ANKRD13C: variants seen among roughly 807,000 people sequenced by gnomAD.
ANKRD13C encodes ankyrin repeat domain-containing protein 13C.
ANKRD13C carries 16 observed loss-of-function variants against 65.5 expected under a neutral mutation model. That is an observed-to-expected ratio of 0.24 (90% CI 0.17 to 0.37). The LOEUF is 0.37. Ranked by LOEUF, ANKRD13C falls within the 10% of genes least tolerant of loss-of-function variation. The pLI is 1.00. For synonymous variants in ANKRD13C, 235 were observed against 238.7 expected (o/e 0.98, Z 0.14); for missense variants, 503 against 655.9 (o/e 0.77, Z 2.55).
intron 7 of ANKRD13C, among the ~76,000 whole-genome samples, 185 bp from the exon 8 acceptor site, chr1:70,296,446 C>G (rs61498338): frequency 0.015 from 2,325 of 152,164 alleles, 61 homozygotes; most frequent in African/African-American, 0.053. Flanking sequence ...ATATTAATAT[C>G]TTCTCTAAGT....
chr1:70,348,660 A>G (rs1682629394), intron 1 of ANKRD13C, among the ~76,000 whole-genome samples: 1 of 152,214 alleles, frequency 6.6e-6, no homozygotes, highest in Non-Finnish European at 1.5e-5. Context: ...TTACACATTA[A>G]TCATTTCACT....
chr1:70,342,485 C>A (rs1457189412), intron 1 of ANKRD13C, among the ~76,000 whole-genome samples: 2 of 152,108 alleles, frequency 1.3e-5, no homozygotes, highest in Non-Finnish European at 2.9e-5. Context: ...TTGCAGTGAG[C>A]TGAGATCGCC....
intron 1 of ANKRD13C, among the ~76,000 whole-genome samples, chr1:70,348,415 G>A (rs950232191): frequency 5.9e-5 from 9 of 151,988 alleles, no homozygotes; most frequent in Non-Finnish European, 8.8e-5. Context: ...ACAGGTGCGC[G>A]CGACCATGCC....
In ANKRD13C at chr1:70,354,597, G is replaced by T; in HGVS notation, c.-189C>A. 1 of 1,348,334 alleles carries T rather than the reference G, an allele frequency of 7.4e-7. No homozygotes were observed. Among genetic ancestry groups the T allele is most frequent in the East Asian group, 2.5e-5 (1 of 39,470 alleles). The allele number at this position is 1,348,334 out of a possible 1,614,324, so 83.5% of individuals were successfully genotyped here. A position where few individuals can be genotyped will look rare whatever the true frequency, so the allele number is the denominator to read the frequency against. On this transcript the variant is annotated 5_prime_UTR_variant, in exon 1 of 13. Transcript: ENST00000370944. ...AGCCGGCTCTCGCCTAGGCACGAAG[G>T]GACGCGCGCTCGCTGGGGGAAGCTA...
chr1:70,351,451 G>A (rs185063282), intron 1 of ANKRD13C, among the ~76,000 whole-genome samples: 2 of 152,198 alleles, frequency 1.3e-5, no homozygotes. Context: ...CCAGGCTGGA[G>A]TGCAACGGTG....
chr1:70,349,235 T>C (rs1256285592), intron 1 of ANKRD13C, among the ~76,000 whole-genome samples: 1 of 152,200 alleles, frequency 6.6e-6, no homozygotes, highest in Non-Finnish European at 1.5e-5. Flanking sequence ...ACACTCTGAC[T>C]ATGGAAAAAG....
chr1:70,331,267 G>A (rs184382630), intron 2 of ANKRD13C, among the ~76,000 whole-genome samples: 1 of 152,092 alleles, frequency 6.6e-6, no homozygotes, highest in East Asian at 1.9e-4. Context: ...GCAAGGTATA[G>A]AACACTAAGT....
At position 70,300,921 on chromosome 1, in the gene ANKRD13C, G is replaced by A; in HGVS notation, c.777-13C>T. The A allele has an allele frequency of 5.0e-6, 8 of 1,597,522 alleles. No individual in the cohort carries two copies. The highest frequency in any genetic ancestry group is 2.3e-5 in the East Asian group (1 of 44,302). ...AGTTGTGTCAAGCCTGTGAAACATG[G>A]GTAGATGATAAACTCTGACAAATAT... On this transcript the variant is annotated splice_polypyrimidine_tract_variant and intron_variant, in intron 6 of 12. Coordinates refer to ENST00000370944, the MANE Select transcript of ANKRD13C (RefSeq NM_030816.5).
intron 6 of ANKRD13C, among the ~76,000 whole-genome samples, chr1:70,303,497 G>A (rs185223676): frequency 1.3e-5 from 2 of 152,182 alleles, no homozygotes; most frequent in African/African-American, 2.4e-5. Context: ...GACAAAAAGT[G>A]TACAAATATA....
chr1:70,343,823 C>A (rs1682414439), intron 1 of ANKRD13C, among the ~76,000 whole-genome samples: 1 of 152,204 alleles, frequency 6.6e-6, no homozygotes, highest in Non-Finnish European at 1.5e-5. Flanking sequence ...CAGGCATGAG[C>A]CACCGCACCA....
At position 70,306,268 on chromosome 1, in the gene ANKRD13C, C is replaced by T; in HGVS notation, c.732G>A (p.Leu244=). ...QSWVPLLSRI[L]PSDACKIYKQ... is the part of the protein sequence containing the mutation. The stretch of plus-strand genomic sequence containing the variant: ...TGTATATTTTACATGCATCGGAAGG[C>T]AGAATTCGGGAAAGTAAAGGCACTG... The change falls in exon 6 of 13, where the codon CTG becomes CTA. Residue 244 remains leucine, a synonymous_variant. Transcript: ENST00000370944. The T allele has an allele frequency of 6.3e-7, 1 of 1,576,884 alleles. No homozygotes were observed. The highest frequency in any genetic ancestry group is 8.6e-7 in the Non-Finnish European group (1 of 1,159,332).
chr1:70,324,795 A>G (rs1681461327), intron 3 of ANKRD13C, 58 bp downstream of exon 3: 1 of 1,234,046 alleles, frequency 8.1e-7, no homozygotes, highest in Non-Finnish European at 1.1e-6. Flanking sequence ...GAATATTTCA[A>G]ATGCATCACT....
intron 1 of ANKRD13C, among the ~76,000 whole-genome samples, chr1:70,344,052 C>A (rs1682423270): frequency 6.6e-6 from 1 of 151,858 alleles, no homozygotes; most frequent in South Asian, 2.1e-4. Flanking sequence ...AATTCCAGCA[C>A]TTTCAGAGGC....
At chr1:70,280,753 C>T (rs546221024) in intron 9 of ANKRD13C, among the ~76,000 whole-genome samples, 31 of 152,152 alleles carry the variant, frequency 2.0e-4, no homozygotes, top group Non-Finnish European at 7.3e-5. Flanking sequence ...TAGTGCCTCA[C>T]GCATAGCAAG....
intron 12 of ANKRD13C, among the ~76,000 whole-genome samples, chr1:70,264,840 C>T (rs926521373): frequency 3.9e-5 from 6 of 152,092 alleles, no homozygotes; most frequent in African/African-American, 7.2e-5. Context: ...GTTGGGGGTA[C>T]GAGCTGTTGA....
In ANKRD13C at chr1:70,345,289, C is replaced by T. The variant is rs372346411; in HGVS notation, c.430+8690G>A. Among the ~76,000 whole-genome samples, 807 of 151,956 alleles carry T rather than the reference C, an allele frequency of 5.3e-3. 11 individuals carry two copies. The highest frequency in any genetic ancestry group is 0.019 in the African/African-American group (783 of 41,464). ...TACTAAAAATACAAAATTAGCCGGG[C>T]GTGGTGGTACATGCCTGAAATCCCA... On this transcript the variant is annotated intron_variant, in intron 1 of 12. Transcript: ENST00000370944.
chr1:70,342,659 T>C (rs1682361183), intron 1 of ANKRD13C, among the ~76,000 whole-genome samples: 1 of 152,032 alleles, frequency 6.6e-6, no homozygotes, highest in Admixed American at 6.6e-5. Context: ...AATAGTTCCC[T>C]TTCTTCACTT....
At chr1:70,271,293 C>A (rs550284192) in intron 11 of ANKRD13C, among the ~76,000 whole-genome samples, 10 of 152,266 alleles carry the variant, frequency 6.6e-5, no homozygotes, top group African/African-American at 1.9e-4. Flanking sequence ...TGATTTCCTG[C>A]ATATTTGATA....
Position 70,348,899 on chromosome 1 carries a change from C to T in ANKRD13C, c.430+5080G>A, listed in dbSNP as rs192079304. 2.3e-4 allele frequency among the ~76,000 whole-genome samples: 35 copies of T among 152,308 alleles called. No homozygotes were observed. The East Asian group carries it at 6.2e-3, about 27-fold the overall frequency. Reference sequence around the variant, plus strand: ...AAAGGCAGGAGAAACTGCCAAATTTCTCAGAATAAATCAGAAATTTTTCAC... The same window carrying T: ...AAAGGCAGGAGAAACTGCCAAATTTTTCAGAATAAATCAGAAATTTTTCAC... On this transcript the variant is annotated intron_variant, in intron 1 of 12. Transcript: ENST00000370944.
Sources: allele counts gnomAD v4.1 joint callset (sites outside exome capture counted in the v4.1 genomes callset), GRCh38; gene constraint gnomAD v4.1.1; transcripts MANE v1.5; gene names NCBI Gene and HGNC (gene_info 2026-07-23, HGNC 2026-07-21).